Variants in CDC20B observed in about 807,000 individuals in gnomAD.
The protein encoded by CDC20B is cell division cycle 20B.
CDC20B carries 58 observed loss-of-function variants against 64.1 expected under a neutral mutation model. That is an observed-to-expected ratio of 0.90 (90% CI 0.73 to 1.13). The LOEUF (loss-of-function observed/expected upper bound fraction) is 1.13. CDC20B is among the 50% of genes most tolerant of loss of function. The probability of loss-of-function intolerance (pLI) is 0.00; values close to 1 mark genes in which losing one functional copy is unlikely to be tolerated. For missense variants in CDC20B, 597 were observed against 633.0 expected, an observed-to-expected ratio of 0.94 and a Z score of 0.61; for synonymous variants, 243 against 230.6, an observed-to-expected ratio of 1.05 and a Z score of -0.49.
At position 55,113,875 on chromosome 5, in the gene CDC20B, C is replaced by A; in HGVS notation, c.*343G>T. On this transcript the variant is annotated 3_prime_UTR_variant, in exon 12 of 12. Transcript: ENST00000381375. ...GCAATCAGAAATATGAGGTTTGGAG[C>A]TGGGGAGAAAAGTCATACGGGAAAG... 5.0e-6 allele frequency: 1 copy of A among 199,768 alleles called. No individual in the cohort carries two copies. The highest frequency in any genetic ancestry group is 1.0e-5 in the Non-Finnish European group (1 of 99,076). 12.4% of individuals were successfully genotyped at this position (199,768 alleles called of 1,614,324 possible).
At chr5:55,160,793 TAATGGCAG>T in intron 2 of CDC20B, 1 of 531,680 alleles carries the variant, frequency 1.9e-6, no homozygotes. Context: ...AATGCTTTTT[TAATGGCAG>T]TACTATTTCA....
At chr5:55,130,081 A>T (rs1316365696) in intron 6 of CDC20B, among the ~76,000 whole-genome samples, 1 of 152,204 alleles carries the variant, frequency 6.6e-6, no homozygotes, top group Non-Finnish European at 1.5e-5. Context: ...ATGAATGAAA[A>T]TTTATATGAA....
At chr5:55,140,281 G>T (rs568156219) in intron 5 of CDC20B, 33 bp downstream of exon 5, 2 of 1,297,828 alleles carry the variant, frequency 1.5e-6, no homozygotes, top group Middle Eastern at 1.9e-4. Context: ...AGAGAGGAGC[G>T]CAGGAAAGAA....
intron 2 of CDC20B, chr5:55,160,452 C>A: frequency 7.1e-7 from 1 of 1,416,722 alleles, no homozygotes; most frequent in Non-Finnish European, 9.8e-7. Flanking sequence ...TCTGTTTATT[C>A]CTCTTAATAA....
At chr5:55,135,814 T>C (rs1743149179) in intron 5 of CDC20B, 1 of 151,092 alleles carries the variant, frequency 6.6e-6, no homozygotes, top group Non-Finnish European at 1.5e-5. Context: ...GTGTATTCTA[T>C]ATGTGGCCCA....
At position 55,114,200 on chromosome 5, in the gene CDC20B, A is replaced by G; in HGVS notation, c.*18T>C. The G allele has an allele frequency of 6.2e-7, 1 of 1,610,104 alleles. No homozygotes were observed. On this transcript the variant is annotated 3_prime_UTR_variant, in exon 12 of 12. Coordinates refer to ENST00000381375, the MANE Select transcript of CDC20B (RefSeq NM_001170402.1). The surrounding 1 kb of genome is among the most constrained non-coding windows in gnomAD (Gnocchi z 4.1). Reference sequence around the variant, plus strand: ...TTCACTCAGAAATAAGGAAACTGAAACCTAGAGGGGCTGGGTGCTAGTAGC... The same window carrying G: ...TTCACTCAGAAATAAGGAAACTGAAGCCTAGAGGGGCTGGGTGCTAGTAGC...
Position 55,124,951 on chromosome 5 carries a change from T to C in CDC20B, c.1067A>G (p.Gln356Arg), listed in dbSNP as rs1327005740. 1.2e-6 allele frequency: 2 copies of C among 1,614,072 alleles called. No homozygotes were observed. Among genetic ancestry groups the C allele is most frequent in the East Asian group, 4.5e-5 (2 of 44,898 alleles). Residue 356 changes from glutamine (Q) to arginine (R), a missense_variant, in exon 9 of 12, where the codon CAA (glutamine) becomes CGA (arginine). Coordinates refer to ENST00000381375, the MANE Select transcript of CDC20B (RefSeq NM_001170402.1). ...QHHVGTLRHKQAVCALKWSPD... is the reference protein window; with the variant it reads ...QHHVGTLRHKRAVCALKWSPD... ...TGACCACTTCAGAGCACACACAGCT[T>C]GCTTGTGGCGAAGTGTTCCAACATG...
At chr5:55,152,754 T>C (rs1198812554) in intron 2 of CDC20B, among the ~76,000 whole-genome samples, 2 of 152,230 alleles carry the variant, frequency 1.3e-5, no homozygotes, top group Non-Finnish European at 2.9e-5. Flanking sequence ...TGCTATATCA[T>C]ACACTCCTTA....
chr5:55,172,792 C>G (rs1744648796), intron 1 of CDC20B, 142 bp from the exon 2 acceptor site: 7 of 758,822 alleles, frequency 9.2e-6, no homozygotes, highest in Admixed American at 6.3e-5. Context: ...TAGGCACCTT[C>G]AGAATATAAC....
rs529938087 is a variant in CDC20B, at chr5:55,152,597, A to G, written c.127-5741T>C. Among the ~76,000 whole-genome samples the G allele has an allele frequency of 7.9e-5, 12 of 152,332 alleles. No homozygotes were observed. The East Asian group carries it at 2.1e-3, about 27-fold the overall frequency. On this transcript the variant is annotated intron_variant, in intron 2 of 11. Transcript: ENST00000381375. Reference sequence around the variant, plus strand: ...AGCTGTATAGATCATTGTCTCTATGAATGGCACCCTCTGGAATATGCAGTG... The same window carrying G: ...AGCTGTATAGATCATTGTCTCTATGGATGGCACCCTCTGGAATATGCAGTG...
intron 5 of CDC20B, among the ~76,000 whole-genome samples, chr5:55,134,667 T>C (rs1187395992): frequency 2.6e-5 from 4 of 151,878 alleles, no homozygotes; most frequent in Non-Finnish European, 5.9e-5. Context: ...GTGGCTTAGG[T>C]GGGAGGATCA....
rs1338375226 is a variant in CDC20B at position 55,114,297 on chromosome 5, T to C, written c.1481A>G (p.His494Arg). 7 of 1,613,734 alleles carry C rather than the reference T, an allele frequency of 4.3e-6. No homozygotes were observed. The highest frequency in any genetic ancestry group is 5.9e-6 in the Non-Finnish European group (7 of 1,179,844). Reference sequence around the variant, plus strand: ...GGTCTGGTCTGGACTCAAAGACAGGTGCAGCACTCTGCCCCTGTGGCCTGG... The same window carrying C: ...GGTCTGGTCTGGACTCAAAGACAGGCGCAGCACTCTGCCCCTGTGGCCTGG... ...GFFGHRGRVL[H>R]LSLSPDQTRV... Residue 494 changes from histidine (H) to arginine (R), a missense_variant, in exon 12 of 12, where the codon CAC (histidine) becomes CGC (arginine). Transcript: ENST00000381375. The surrounding 1 kb of genome is among the most constrained non-coding windows in gnomAD (Gnocchi z 4.1).
intron 11 of CDC20B, among the ~76,000 whole-genome samples, chr5:55,118,717 T>C (rs1288351180): frequency 6.6e-6 from 1 of 152,192 alleles, no homozygotes; most frequent in Non-Finnish European, 1.5e-5. Flanking sequence ...AAAATGGCTC[T>C]GCTAAGAGTT....
rs190619529 is a variant in CDC20B, at chr5:55,131,090, A to T, written c.697+2322T>A. 5.1e-4 allele frequency among the ~76,000 whole-genome samples: 77 copies of T among 152,230 alleles called. 1 individual carries two copies. The highest frequency in any genetic ancestry group is 5.9e-4 in the Non-Finnish European group (40 of 68,002). ...TAAGCCTCTACAGCCTCCAGCCTGA[A>T]CCACTGCACTCCAGCCTGGGTGACA... On this transcript the variant is annotated intron_variant, in intron 6 of 11. Coordinates refer to ENST00000381375, the MANE Select transcript of CDC20B (RefSeq NM_001170402.1).
At chr5:55,172,811 A>G in intron 1 of CDC20B, 127 bp downstream of exon 1, 3 of 994,398 alleles carry the variant, frequency 3.0e-6, no homozygotes, top group Non-Finnish European at 4.4e-6. Context: ...ACTAAATTAC[A>G]TCACTCAAAT....
chr5:55,127,883 A>G (rs1368977047), intron 7 of CDC20B, among the ~76,000 whole-genome samples: 1 of 152,206 alleles, frequency 6.6e-6, no homozygotes, highest in Non-Finnish European at 1.5e-5. Flanking sequence ...TTATCATTGC[A>G]GAGATGAGAA....
At chr5:55,118,630 G>A (rs1327319515) in intron 11 of CDC20B, among the ~76,000 whole-genome samples, 1 of 152,140 alleles carries the variant, frequency 6.6e-6, no homozygotes, top group Non-Finnish European at 1.5e-5. Context: ...ATCTGAAAAG[G>A]TCCAGGGAAT....
At chr5:55,120,668 G>T in intron 9 of CDC20B, 118 bp from the exon 10 acceptor site, 1 of 1,225,160 alleles carries the variant, frequency 8.2e-7, no homozygotes, top group Non-Finnish European at 1.2e-6. Flanking sequence ...AGCTCTCCTG[G>T]GCCTGCTATC....
intron 3 of CDC20B, among the ~76,000 whole-genome samples, chr5:55,143,972 G>A (rs1421583830): frequency 6.9e-6 from 1 of 145,888 alleles, no homozygotes; most frequent in African/African-American, 2.6e-5. Flanking sequence ...CAGCAGCAGT[G>A]TGAATGCTTT....
Sources: gnomAD v4.1 joint callset for allele counts (sites outside exome capture counted in the v4.1 genomes callset) on GRCh38, gnomAD v4.1.1 for gene constraint, Gnocchi (gnomAD v3.1) non-coding constraint, MANE v1.5 for transcripts, NCBI Gene and HGNC (gene_info 2026-07-23, HGNC 2026-07-21) for gene names.